The following TEX14 variants were observed in gnomAD, a reference collection of about 807,000 sequenced individuals.
TEX14 encodes inactive serine/threonine-protein kinase TEX14.
In TEX14, 168 loss-of-function variants were observed where a neutral mutation model predicts 178.6. That is an observed-to-expected ratio of 0.94 (90% CI 0.83 to 1.07). The LOEUF (loss-of-function observed/expected upper bound fraction) is 1.07, where lower values mean the gene tolerates loss of function less well. Among genes scored for constraint, TEX14 ranks in the 50% least tolerant of loss-of-function variants. The pLI, the probability that TEX14 is intolerant of heterozygous loss-of-function variation, is 0.00. For missense variants in TEX14, 1,730 were observed against 1,753.6 expected, an observed-to-expected ratio of 0.99 and a Z score of 0.24; for synonymous variants, 626 against 634.1, an observed-to-expected ratio of 0.99 and a Z score of 0.19.
chr17:58,576,224 G>A (rs545439156), intron 21 of TEX14, among the ~76,000 whole-genome samples: 19 of 152,304 alleles, frequency 1.2e-4, no homozygotes, highest in East Asian at 1.2e-3. Context: ...GGTGGCTCAC[G>A]CCTGTAATCC....
intron 2 of TEX14, among the ~76,000 whole-genome samples, chr17:58,647,476 G>A (rs1243685121): frequency 1.3e-5 from 2 of 151,348 alleles, no homozygotes; most frequent in Non-Finnish European, 2.9e-5. Context: ...AGCTTGCAGT[G>A]AGCTGAGATC....
chr17:58,561,585 C>A lies in TEX14; in HGVS notation c.4092G>T (p.Leu1364=). 6.2e-7 allele frequency: 1 copy of A among 1,613,888 alleles called. No homozygotes were observed. The highest frequency in any genetic ancestry group is 8.5e-7 in the Non-Finnish European group (1 of 1,179,754). Residue 1364 remains leucine, a synonymous_variant, in exon 29 of 32, where the codon CTG becomes CTT. Coordinates refer to ENST00000349033, the MANE Select transcript of TEX14 (RefSeq NM_031272.5). ...ERAHSTLDED[L]ERWLQPPEES... ...CCTCAGGTGGCTGCAGCCATCTTTCCAGGTCCTCATCCAGAGTAGAGTGAG... is the reference window on the plus strand; with the variant it reads ...CCTCAGGTGGCTGCAGCCATCTTTCAAGGTCCTCATCCAGAGTAGAGTGAG...
intron 2 of TEX14, 96 bp from the exon 3 acceptor site, chr17:58,630,650 C>T: frequency 1.3e-6 from 1 of 796,428 alleles, no homozygotes; most frequent in Non-Finnish European, 2.1e-6. Context: ...TTATAGTGTA[C>T]TTTCATATAT....
At position 58,561,507 on chromosome 17, in the gene TEX14, G is replaced by C. The variant is rs772305303; in HGVS notation, c.4157+13C>G. ...AAAAAGAAGAAAAGGATTCCCCTTT[G>C]GGGAACAATAACCTTTCAGAGCCCT... On this transcript the variant is annotated intron_variant, in intron 29 of 31. Transcript: ENST00000349033. 1 of 1,586,468 alleles carries C rather than the reference G, an allele frequency of 6.3e-7. No individual in the cohort carries two copies. The highest frequency in any genetic ancestry group is 8.7e-7 in the Non-Finnish European group (1 of 1,155,512).
At chr17:58,589,688 G>A (rs2144427650) in intron 15 of TEX14, among the ~76,000 whole-genome samples, 1 of 149,082 alleles carries the variant, frequency 6.7e-6, no homozygotes, top group East Asian at 2.0e-4. Context: ...GATCTGATCA[G>A]CTTCCTTTTT....
At chr17:58,636,806 G>A (rs996033512) in intron 2 of TEX14, among the ~76,000 whole-genome samples, 1 of 152,156 alleles carries the variant, frequency 6.6e-6, no homozygotes, top group African/African-American at 2.4e-5. Flanking sequence ...CCAGCTACTT[G>A]GGAGGCTGAG....
intron 21 of TEX14, among the ~76,000 whole-genome samples, chr17:58,576,863 T>G (rs909870227): frequency 6.6e-6 from 1 of 152,216 alleles, no homozygotes; most frequent in Non-Finnish European, 1.5e-5. Flanking sequence ...GTTTATTTCT[T>G]TTTACTGCTG....
intron 21 of TEX14, among the ~76,000 whole-genome samples, chr17:58,574,577 G>A (rs372661617): frequency 6.8e-6 from 1 of 147,952 alleles, no homozygotes; most frequent in African/African-American, 2.5e-5. Flanking sequence ...TCGGGAGGCT[G>A]AGACAGGAAT....
At chr17:58,599,717 A>G in intron 13 of TEX14, 51 bp from the exon 14 acceptor site, 1 of 1,474,990 alleles carries the variant, frequency 6.8e-7, no homozygotes, top group Non-Finnish European at 9.3e-7. Context: ...CATATTTGGC[A>G]GCTAAGCAGC....
chr17:58,580,253 C>T (rs1437040918), intron 19 of TEX14, among the ~76,000 whole-genome samples: 2 of 152,246 alleles, frequency 1.3e-5, no homozygotes, highest in South Asian at 2.1e-4. Flanking sequence ...GCAATCCTCC[C>T]GCCTCAGCCT....
chr17:58,645,930 G>A (rs889861294), intron 2 of TEX14, among the ~76,000 whole-genome samples: 43 of 151,974 alleles, frequency 2.8e-4, no homozygotes, highest in African/African-American at 1.0e-3. Context: ...TAATCTTCCT[G>A]TATATTTTAA....
intron 1 of TEX14, chr17:58,661,707 G>A: frequency 1.7e-6 from 1 of 582,846 alleles, no homozygotes; most frequent in Non-Finnish European, 3.0e-6. Context: ...GCACGGCAGG[G>A]CAGTCAGGGA....
intron 9 of TEX14, among the ~76,000 whole-genome samples, chr17:58,612,417 T>C (rs1316782587): frequency 2.0e-5 from 3 of 151,926 alleles, no homozygotes; most frequent in Non-Finnish European, 4.4e-5. Context: ...AGTGGGACCA[T>C]GATTCTATTA....
chr17:58,570,533 A>C (rs1469883114), intron 24 of TEX14, 49 bp from the exon 25 acceptor site: 2 of 1,330,702 alleles, frequency 1.5e-6, no homozygotes, highest in Non-Finnish European at 2.0e-6. Flanking sequence ...TTGAGCTAAA[A>C]AGGCATATGC....
At chr17:58,592,740 T>C (rs2045185416) in intron 15 of TEX14, among the ~76,000 whole-genome samples, 1 of 152,114 alleles carries the variant, frequency 6.6e-6, no homozygotes, top group Non-Finnish European at 1.5e-5. Context: ...GGTTTCACCA[T>C]GTTGGCCAGG....
chr17:58,620,931 A>G (rs963013664), intron 5 of TEX14, among the ~76,000 whole-genome samples: 6 of 152,210 alleles, frequency 3.9e-5, no homozygotes, highest in African/African-American at 1.4e-4. Flanking sequence ...TCCAATCATC[A>G]GAGGAAAGCC....
intron 3 of TEX14, among the ~76,000 whole-genome samples, chr17:58,624,049 C>T (rs1379309545): frequency 2.6e-5 from 4 of 152,048 alleles, no homozygotes; most frequent in South Asian, 2.1e-4. Flanking sequence ...TTTGGGAGGC[C>T]GAGGCGGGCA....
At chr17:58,563,658 T>TATATAGAG (rs1351647352) in intron 28 of TEX14, among the ~76,000 whole-genome samples, 14 of 17,472 alleles carry the variant, frequency 8.0e-4, no homozygotes, top group Non-Finnish European at 8.7e-4. Context: ...TATATATATA[T>TATATAGAG]AGAGAGAGAG....
intron 12 of TEX14, 132 bp downstream of exon 12, chr17:58,602,268 C>T (rs1238805565): frequency 3.5e-6 from 3 of 864,116 alleles, no homozygotes; most frequent in East Asian, 2.6e-5. Flanking sequence ...ATCAAGAACA[C>T]AGAAATGGTG....
Sources: allele counts gnomAD v4.1 joint callset (sites outside exome capture counted in the v4.1 genomes callset), GRCh38; gene constraint gnomAD v4.1.1; transcripts MANE v1.5; gene names NCBI Gene and HGNC (gene_info 2026-07-23, HGNC 2026-07-21).